The following KCNMA1 variants were observed in gnomAD, a reference collection of about 807,000 sequenced individuals.
KCNMA1 encodes Calcium-activated potassium channel subunit alpha-1.
In KCNMA1, 29 loss-of-function variants were observed where a neutral mutation model predicts 140.0. The observed-to-expected ratio is 0.21, with a 90% CI of 0.15 to 0.28. KCNMA1 has a LOEUF of 0.28. Ranked by LOEUF, KCNMA1 falls within the 10% of genes least tolerant of loss-of-function variation. KCNMA1 has a pLI of 1.00. For synonymous variants in KCNMA1, 612 were observed against 611.9 expected (o/e 1.00, Z 0.00); for missense variants, 880 against 1,602.2 (o/e 0.55, Z 7.70).
intron 3 of KCNMA1, among the ~76,000 whole-genome samples, chr10:77,222,956 G>A (rs754718129): frequency 1.3e-5 from 2 of 152,122 alleles, no homozygotes; most frequent in East Asian, 1.9e-4. Context: ...GGGGCTGGGC[G>A]TGGTAGCTCA....
intron 1 of KCNMA1, chr10:77,586,274 G>C (rs1311988680): frequency 6.6e-6 from 1 of 152,146 alleles, no homozygotes; most frequent in Non-Finnish European, 1.5e-5. Flanking sequence ...CCACACTCTT[G>C]GTTCTAGGGA....
At chr10:77,392,269 AGGAAGGGAGGGAAG>A (rs1197112739) in intron 2 of KCNMA1, among the ~76,000 whole-genome samples, 1 of 117,054 alleles carries the variant, frequency 8.5e-6, no homozygotes, top group African/African-American at 3.3e-5. Context: ...AGGGAGGGAA[AGGAAGGGAGGGAAG>A]GGAAGGAAGG....
intron 2 of KCNMA1, among the ~76,000 whole-genome samples, chr10:77,262,300 A>C (rs969612085): frequency 4.6e-5 from 7 of 152,220 alleles, no homozygotes; most frequent in Non-Finnish European, 7.3e-5. Flanking sequence ...AAGTGAAATA[A>C]GCTATACATA....
chr10:77,598,415 C>G (rs1433320415), intron 1 of KCNMA1, among the ~76,000 whole-genome samples: 1 of 152,144 alleles, frequency 6.6e-6, no homozygotes, highest in Non-Finnish European at 1.5e-5. Flanking sequence ...AACCTGTTTG[C>G]CTATCTTGAC....
At chr10:76,995,970 C>T (rs748727013) in intron 19 of KCNMA1, among the ~76,000 whole-genome samples, 19 of 152,182 alleles carry the variant, frequency 1.2e-4, no homozygotes, top group Non-Finnish European at 2.2e-4. Context: ...AAGTTGGCTG[C>T]CTTTTGCCTA....
chr10:77,545,755 C>G (rs2061332262), intron 1 of KCNMA1, among the ~76,000 whole-genome samples: 1 of 152,238 alleles, frequency 6.6e-6, no homozygotes, highest in African/African-American at 2.4e-5. Flanking sequence ...AAATGCACAC[C>G]TGTGTTGGCA....
intron 3 of KCNMA1, among the ~76,000 whole-genome samples, chr10:77,210,220 A>G (rs2045604451): frequency 6.6e-6 from 1 of 152,188 alleles, no homozygotes; most frequent in African/African-American, 2.4e-5. Context: ...TTCACCACAA[A>G]CCAAGTAGGC....
chr10:77,044,046 G>A (rs968386337), intron 14 of KCNMA1, among the ~76,000 whole-genome samples: 5 of 152,154 alleles, frequency 3.3e-5, no homozygotes, highest in Admixed American at 2.0e-4. Flanking sequence ...TATAACATAA[G>A]AGCAGGAGAA....
At chr10:77,139,733 C>G (rs2154019702) in intron 5 of KCNMA1, among the ~76,000 whole-genome samples, 1 of 152,166 alleles carries the variant, frequency 6.6e-6, no homozygotes, top group Non-Finnish European at 1.5e-5. Context: ...TAAATAAAGC[C>G]AAATGCCTAT....
chr10:77,335,901 G>A (rs2088745641), intron 2 of KCNMA1, among the ~76,000 whole-genome samples: 1 of 152,074 alleles, frequency 6.6e-6, no homozygotes, highest in African/African-American at 2.4e-5. Context: ...ATCACCCCTT[G>A]TCCCTCCTCT....
At chr10:76,920,475 G>A (rs551734035) in intron 23 of KCNMA1, among the ~76,000 whole-genome samples, 25 of 152,214 alleles carry the variant, frequency 1.6e-4, no homozygotes, top group African/African-American at 5.8e-4. Flanking sequence ...ATCTCAGAGT[G>A]GAACCCAGAT....
At chr10:77,118,699 T>C (rs894371221) in intron 6 of KCNMA1, among the ~76,000 whole-genome samples, 1 of 152,176 alleles carries the variant, frequency 6.6e-6, no homozygotes, top group African/African-American at 2.4e-5. Flanking sequence ...AAAAGATCCT[T>C]GACTGCCCTG....
At chr10:77,558,081 AT>A in intron 1 of KCNMA1, among the ~76,000 whole-genome samples, 1 of 152,174 alleles carries the variant, frequency 6.6e-6, no homozygotes, top group South Asian at 2.1e-4. Flanking sequence ...GGATTTGCAA[AT>A]TTTCTCAAGT....
At chr10:76,994,429 C>A (rs1466150839) in intron 19 of KCNMA1, among the ~76,000 whole-genome samples, 2 of 152,188 alleles carry the variant, frequency 1.3e-5, no homozygotes, top group African/African-American at 4.8e-5. Flanking sequence ...AGAGTAGAGA[C>A]TACACTAATT....
chr10:77,213,526 G>A (rs1340792364), intron 3 of KCNMA1, among the ~76,000 whole-genome samples: 1 of 152,176 alleles, frequency 6.6e-6, no homozygotes, highest in Non-Finnish European at 1.5e-5. Context: ...ACTGTAATCA[G>A]GAGACAAAAA....
At chr10:77,425,612 G>A (rs1036445255) in intron 1 of KCNMA1, among the ~76,000 whole-genome samples, 1 of 152,158 alleles carries the variant, frequency 6.6e-6, no homozygotes, top group Non-Finnish European at 1.5e-5. Flanking sequence ...TCCCTGGTGC[G>A]GCAATGTGGG....
At chr10:77,628,521 G>A (rs1429184584) in intron 1 of KCNMA1, among the ~76,000 whole-genome samples, 1 of 151,796 alleles carries the variant, frequency 6.6e-6, no homozygotes, top group Non-Finnish European at 1.5e-5. Context: ...CCAGGCATGG[G>A]GCATGAGAAC....
At position 77,110,426 on chromosome 10, in the gene KCNMA1, C is replaced by G; in HGVS notation, c.961-83G>C. The G allele has an allele frequency of 6.7e-6, 8 of 1,202,148 alleles. No individual in the cohort carries two copies. In the South Asian group the frequency reaches 9.7e-5, roughly 15 times the overall value. The allele number at this position is 1,202,148 out of a possible 1,614,324, so 74.5% of individuals were successfully genotyped here. A position where few individuals can be genotyped will look rare whatever the true frequency, so the allele number is the denominator to read the frequency against. On this transcript the variant is annotated intron_variant, in intron 7 of 27. Transcript: ENST00000286628. ...GCAATAAACGCGGAAGCTCGGCACTCTCGAAGGCCACTTGCTACTGCACAC... is the reference window on the plus strand; with the variant it reads ...GCAATAAACGCGGAAGCTCGGCACTGTCGAAGGCCACTTGCTACTGCACAC...
At chr10:76,883,967 T>C (rs2035732897), downstream of KCNMA1, 1 of 978,238 alleles carries the variant, frequency 1.0e-6, no homozygotes, top group Non-Finnish European at 1.2e-6. Flanking sequence ...ATTAGTCAAA[T>C]ATGGTGAATT....
Sources: allele counts gnomAD v4.1 joint callset (sites outside exome capture counted in the v4.1 genomes callset), GRCh38; gene constraint gnomAD v4.1.1; transcripts MANE v1.5; gene names NCBI Gene and HGNC (gene_info 2026-07-23, HGNC 2026-07-21).